Variants in CPAP observed in about 807,000 individuals in gnomAD.
CPAP encodes centrosome assembly and centriole elongation protein.
chr13:24,883,681 GTGTT>G, the CPAP span, among the ~76,000 whole-genome samples: 3 of 152,178 alleles, frequency 2.0e-5, no homozygotes, highest in East Asian at 1.9e-4. Context: ...AACCATCTGA[GTGTT>G]TGTTTGCTCT....
the CPAP span, chr13:24,883,484 C>G: frequency 2.6e-6 from 2 of 760,526 alleles, no homozygotes; most frequent in Non-Finnish European, 4.2e-6. Flanking sequence ...GGAGACATCC[C>G]TTGGTTATCC....
At chr13:24,920,884 C>T in the CPAP span, among the ~76,000 whole-genome samples, 1 of 151,840 alleles carries the variant, frequency 6.6e-6, no homozygotes, top group Non-Finnish European at 1.5e-5. Context: ...GGCTTAGCCT[C>T]CCAAAATGCT....
At chr13:24,924,918 G>C in the CPAP span, 2 of 152,144 alleles carry the variant, frequency 1.3e-5, no homozygotes, top group African/African-American at 4.8e-5. Flanking sequence ...TCATAGGACT[G>C]TCAAGAAGAT....
the CPAP span, chr13:24,913,117 T>G: frequency 8.9e-7 from 1 of 1,122,498 alleles, no homozygotes; most frequent in Non-Finnish European, 1.3e-6. Context: ...GCCAACAAAA[T>G]GTATTAGGTA....
chr13:24,893,754 G>T, the CPAP span, among the ~76,000 whole-genome samples: 283 of 152,344 alleles, frequency 1.9e-3, no homozygotes, highest in African/African-American at 6.5e-3. Context: ...CAGGAATATG[G>T]ATTTAATATG....
At chr13:24,932,808 AG>A in the CPAP span, among the ~76,000 whole-genome samples, 1 of 152,272 alleles carries the variant, frequency 6.6e-6, no homozygotes. Context: ...CAGCCACAAA[AG>A]CTAGAAATCA....
At chr13:24,912,915 A>C in the CPAP span, 2 of 1,614,206 alleles carry the variant, frequency 1.2e-6, no homozygotes. Flanking sequence ...CTGCTTCCAA[A>C]ATAGGAAATC....
chr13:24,931,240 T>C, the CPAP span, among the ~76,000 whole-genome samples: 1 of 151,734 alleles, frequency 6.6e-6, no homozygotes, highest in Non-Finnish European at 1.5e-5. Context: ...TATCTGCACT[T>C]CCTCGGCTCA....
chr13:24,916,510 T>C, the CPAP span, among the ~76,000 whole-genome samples: 1 of 152,174 alleles, frequency 6.6e-6, no homozygotes, highest in Non-Finnish European at 1.5e-5. Flanking sequence ...ACCATTTTTT[T>C]CCCACCCTGG....
the CPAP span, among the ~76,000 whole-genome samples, chr13:24,928,142 A>G: frequency 6.6e-6 from 1 of 151,980 alleles, no homozygotes; most frequent in African/African-American, 2.4e-5. Context: ...AAGACTACTC[A>G]CTCTTCAGCC....
chr13:24,929,581 A>G, the CPAP span, among the ~76,000 whole-genome samples: 1 of 152,226 alleles, frequency 6.6e-6, no homozygotes, highest in Non-Finnish European at 1.5e-5. Flanking sequence ...TGATTATAAT[A>G]TAATGCTATT....
At chr13:24,885,993 T>C in the CPAP span, 2 of 403,542 alleles carry the variant, frequency 5.0e-6, no homozygotes, top group Non-Finnish European at 4.7e-6. Flanking sequence ...CTAAGACCTG[T>C]GGAATTTGGC....
At chr13:24,931,585 A>G in the CPAP span, among the ~76,000 whole-genome samples, 2 of 152,154 alleles carry the variant, frequency 1.3e-5, no homozygotes, top group Non-Finnish European at 2.9e-5. Context: ...TCAGTACCCT[A>G]AAAATCTGGA....
the CPAP span, among the ~76,000 whole-genome samples, chr13:24,888,091 A>T: frequency 6.6e-6 from 1 of 152,204 alleles, no homozygotes; most frequent in African/African-American, 2.4e-5. Flanking sequence ...TTATTTCACA[A>T]AAATAATTTT....
the CPAP span, among the ~76,000 whole-genome samples, chr13:24,913,924 T>A: frequency 6.6e-6 from 1 of 152,228 alleles, no homozygotes; most frequent in Non-Finnish European, 1.5e-5. Flanking sequence ...AGATAAGCCT[T>A]GCCTCTGTCT....
chr13:24,920,068 A>T, the CPAP span, among the ~76,000 whole-genome samples: 1 of 152,182 alleles, frequency 6.6e-6, no homozygotes, highest in Non-Finnish European at 1.5e-5. Flanking sequence ...CACTGCGCCC[A>T]GCCTAAAAAT....
At chr13:24,929,193 A>T in the CPAP span, among the ~76,000 whole-genome samples, 2 of 152,154 alleles carry the variant, frequency 1.3e-5, no homozygotes, top group Non-Finnish European at 2.9e-5. Flanking sequence ...CCTCCCAGGA[A>T]GCTGGGACCA....
chr13:24,916,185 G>C, the CPAP span, among the ~76,000 whole-genome samples: 281 of 152,310 alleles, frequency 1.8e-3, 1 homozygote, highest in Admixed American at 2.4e-3. Flanking sequence ...GATGAGGATG[G>C]AGAAAGGGGA....
the CPAP span, among the ~76,000 whole-genome samples, chr13:24,894,104 C>T: frequency 6.6e-6 from 1 of 151,872 alleles, no homozygotes; most frequent in Non-Finnish European, 1.5e-5. Flanking sequence ...AAGGGACCAG[C>T]GCAGATGACA....
Sources: allele counts gnomAD v4.1 joint callset (sites outside exome capture counted in the v4.1 genomes callset), GRCh38; gene constraint gnomAD v4.1.1; transcripts MANE v1.5; gene names NCBI Gene and HGNC (gene_info 2026-07-23, HGNC 2026-07-21).